The following LRP1B variants were observed in gnomAD, a reference collection of about 807,000 sequenced individuals.
LRP1B encodes LDL receptor related protein 1B, also known as low-density lipoprotein receptor-related protein 1B.
Under a neutral mutation model 556.6 loss-of-function variants are expected in LRP1B, and 217 were observed. The ratio of observed to expected loss-of-function variants is 0.39; its 90% confidence interval spans 0.35 to 0.44. The LOEUF (loss-of-function observed/expected upper bound fraction) is 0.44. Ranked by LOEUF, LRP1B falls within the 20% of genes least tolerant of loss-of-function variation. LRP1B has a pLI of 1.00. For missense variants in LRP1B, 5,053 were observed against 5,620.8 expected (o/e 0.90, Z 3.23); for synonymous variants, 2,047 against 1,865.8 (o/e 1.10, Z -2.50).
In LRP1B at chr2:141,566,307, G is replaced by T. The variant is rs541341519; in HGVS notation, c.206-85774C>A. On this transcript the variant is annotated intron_variant, in intron 2 of 90. Coordinates refer to ENST00000389484, the MANE Select transcript of LRP1B (RefSeq NM_018557.3). Reference sequence around the variant, plus strand: ...AAAGAGAAGAAATAATTAAAGAAACGATGTAACTTTCACTTATAGTAAATG... The same window carrying T: ...AAAGAGAAGAAATAATTAAAGAAACTATGTAACTTTCACTTATAGTAAATG... Among the ~76,000 whole-genome samples, 91 of 152,126 alleles carry T rather than the reference G, an allele frequency of 6.0e-4. 3 individuals carry two copies. The South Asian group carries it at 0.012, about 20-fold the overall frequency.
At chr2:142,022,287 A>C (rs1054717703) in intron 1 of LRP1B, among the ~76,000 whole-genome samples, 2 of 151,418 alleles carry the variant, frequency 1.3e-5, no homozygotes, top group African/African-American at 2.4e-5. Flanking sequence ...TTGTAAAAAA[A>C]AACAACAGTG....
chr2:140,625,922 T>A (rs1225564615), intron 41 of LRP1B, among the ~76,000 whole-genome samples: 1 of 152,174 alleles, frequency 6.6e-6, no homozygotes, highest in Admixed American at 6.5e-5. Flanking sequence ...AATCTGTACA[T>A]GGTTGTTTAT....
At chr2:141,491,627 A>T (rs1342187386) in intron 2 of LRP1B, among the ~76,000 whole-genome samples, 1 of 151,830 alleles carries the variant, frequency 6.6e-6, no homozygotes, top group Admixed American at 6.6e-5. Flanking sequence ...AGACAAGCCA[A>T]AATCAGAGAG....
intron 7 of LRP1B, among the ~76,000 whole-genome samples, chr2:141,172,864 T>C (rs1258087129): frequency 1.3e-5 from 2 of 151,958 alleles, no homozygotes; most frequent in Non-Finnish European, 2.9e-5. Flanking sequence ...TATACACAGA[T>C]CCAAAAAGTA....
rs140067451 is a variant in LRP1B, at chr2:140,608,740, C to G, written c.6800-7101G>C. On this transcript the variant is annotated intron_variant, in intron 41 of 90. Transcript: ENST00000389484. ...GCCTATTTATTTGGTTTTCCCAAAA[C>G]AACAACAACAACAACAAAACAATTT... Among the ~76,000 whole-genome samples, 1,047 of 152,084 alleles carry G rather than the reference C, an allele frequency of 6.9e-3. 14 individuals carry two copies. Among genetic ancestry groups the G allele is most frequent in the African/African-American group, 0.022 (925 of 41,498 alleles).
chr2:142,123,463 A>G (rs1559084155), intron 1 of LRP1B, among the ~76,000 whole-genome samples: 1 of 151,970 alleles, frequency 6.6e-6, no homozygotes, highest in Admixed American at 6.6e-5. Context: ...CCTAAAGAAG[A>G]AACATATTCT....
chr2:141,897,314 C>T (rs371827678), intron 1 of LRP1B, among the ~76,000 whole-genome samples: 11 of 152,128 alleles, frequency 7.2e-5, no homozygotes, highest in African/African-American at 2.2e-4. Context: ...GTAGCTGATG[C>T]TAGCACTCAA....
intron 2 of LRP1B, among the ~76,000 whole-genome samples, chr2:141,753,263 C>CTCTCTCTCTCTCTATATATATATAT: frequency 1.6e-5 from 1 of 62,554 alleles, no homozygotes; most frequent in African/African-American, 6.0e-5. Context: ...TCTCTCTCTC[C>CTCTCTCTCTCTCTATATATATATAT]ATATATATAT....
chr2:141,607,110 C>T (rs10496886), intron 2 of LRP1B, among the ~76,000 whole-genome samples: 1,524 of 151,276 alleles, frequency 0.01, 19 homozygotes, highest in African/African-American at 0.035. Flanking sequence ...TGATTCATAC[C>T]CTTACAAAAT....
At chr2:140,716,946 T>C (rs771821366) in intron 35 of LRP1B, 130 bp from the exon 36 acceptor site, 235 of 428,360 alleles carry the variant, frequency 5.5e-4, no homozygotes, top group Non-Finnish European at 6.0e-4. Flanking sequence ...TTAAGTATTC[T>C]TCAGGATAAT....
intron 59 of LRP1B, among the ~76,000 whole-genome samples, chr2:140,483,561 A>AATAT (rs755904936): frequency 2.8e-5 from 4 of 141,680 alleles, no homozygotes; most frequent in Admixed American, 7.1e-5. Context: ...CAGACACTCA[A>AATAT]ATATATATAT....
chr2:141,719,467 C>T (rs964048605), intron 2 of LRP1B, among the ~76,000 whole-genome samples: 5 of 152,008 alleles, frequency 3.3e-5, no homozygotes, highest in Non-Finnish European at 5.9e-5. Context: ...AGTCATTTTG[C>T]TTCTATAAGC....
At chr2:141,627,099 C>T (rs1206626417) in intron 2 of LRP1B, among the ~76,000 whole-genome samples, 1 of 152,164 alleles carries the variant, frequency 6.6e-6, no homozygotes, top group African/African-American at 2.4e-5. Context: ...CCAGGCATTG[C>T]AATCTTTTTT....
intron 14 of LRP1B, among the ~76,000 whole-genome samples, chr2:141,006,521 A>G (rs1338257625): frequency 1.3e-5 from 2 of 152,070 alleles, no homozygotes; most frequent in Non-Finnish European, 2.9e-5. Flanking sequence ...TCACTTAATG[A>G]TGGGCATACA....
In LRP1B at chr2:140,381,819, G is replaced by T. The variant is rs527545144; in HGVS notation, c.10532-3533C>A. On this transcript the variant is annotated intron_variant, in intron 67 of 90. Transcript: ENST00000389484. The stretch of plus-strand genomic sequence containing the variant: ...GGAGGTTGCAGTGAGTCAAGATTGC[G>T]CCACTACACTCCAGCCTGGGCAACA... 5.2e-5 allele frequency among the ~76,000 whole-genome samples: 7 copies of T among 135,212 alleles called. No homozygotes were observed. In the East Asian group the frequency reaches 1.5e-3, roughly 30 times the overall value. The allele number at this position is 135,212 out of a possible 152,430, so 88.7% of individuals were successfully genotyped here.
At chr2:141,624,216 C>G (rs1385624137) in intron 2 of LRP1B, among the ~76,000 whole-genome samples, 1 of 151,780 alleles carries the variant, frequency 6.6e-6, no homozygotes, top group African/African-American at 2.4e-5. Context: ...TTTTTATTCA[C>G]CCAAACAAAA....
At chr2:140,780,217 G>A (rs182858912) in intron 32 of LRP1B, among the ~76,000 whole-genome samples, 123 of 152,202 alleles carry the variant, frequency 8.1e-4, no homozygotes, top group African/African-American at 2.9e-3. Flanking sequence ...ATTGATAATC[G>A]ATGAGTCTCT....
At chr2:141,333,317 A>C (rs576351666) in intron 3 of LRP1B, among the ~76,000 whole-genome samples, 30 of 152,230 alleles carry the variant, frequency 2.0e-4, no homozygotes, top group African/African-American at 7.0e-4. Flanking sequence ...TAATGGTAGA[A>C]TCATTTACCT....
chr2:140,343,215 A>AAAAC (rs1681484012), intron 77 of LRP1B, among the ~76,000 whole-genome samples: 1 of 151,626 alleles, frequency 6.6e-6, no homozygotes, highest in Non-Finnish European at 1.5e-5. Context: ...ATACACATCA[A>AAAAC]AAACAATTGG....
Sources: gnomAD v4.1 joint callset for allele counts (sites outside exome capture counted in the v4.1 genomes callset) on GRCh38, gnomAD v4.1.1 for gene constraint, MANE v1.5 for transcripts, NCBI Gene and HGNC (gene_info 2026-07-23, HGNC 2026-07-21) for gene names.